Variants in PACS1 observed in about 807,000 individuals in gnomAD.
The protein encoded by PACS1 is PACS-1.
PACS1 carries 24 observed loss-of-function variants against 115.0 expected under a neutral mutation model. The observed-to-expected ratio is 0.21, with a 90% CI of 0.15 to 0.29. The LOEUF is 0.29. PACS1 is among the 10% of genes least tolerant of loss of function. The probability of loss-of-function intolerance (pLI) is 1.00; values close to 1 mark genes in which losing one functional copy is unlikely to be tolerated. For missense variants in PACS1, 838 were observed against 1,251.2 expected, an observed-to-expected ratio of 0.67 and a Z score of 4.98; for synonymous variants, 453 against 504.5, an observed-to-expected ratio of 0.90 and a Z score of 1.37.
At chr11:66,082,627 C>T (rs1476396542) in intron 1 of PACS1, among the ~76,000 whole-genome samples, 1 of 152,054 alleles carries the variant, frequency 6.6e-6, no homozygotes, top group Non-Finnish European at 1.5e-5. Context: ...TTTGGGAGGC[C>T]GAGGTGGGTG....
intron 1 of PACS1, among the ~76,000 whole-genome samples, chr11:66,073,736 T>G (rs1057319665): frequency 2.6e-5 from 4 of 152,008 alleles, no homozygotes; most frequent in African/African-American, 9.7e-5. Flanking sequence ...GTTCTGTTGA[T>G]CACATTTTTC....
intron 3 of PACS1, 106 bp from the exon 4 acceptor site, chr11:66,211,028 T>C: frequency 7.4e-7 from 1 of 1,345,346 alleles, no homozygotes; most frequent in Admixed American, 1.8e-5. Context: ...CTGCCCCCTT[T>C]TAGAGACAGG....
At chr11:66,165,759 TAA>T (rs1859586723) in intron 1 of PACS1, among the ~76,000 whole-genome samples, 1 of 152,126 alleles carries the variant, frequency 6.6e-6, no homozygotes, top group Admixed American at 6.5e-5. Context: ...ATATATGTAT[TAA>T]GAGACAGTGA....
At chr11:66,157,253 A>T (rs369802757) in intron 1 of PACS1, among the ~76,000 whole-genome samples, 74 of 152,344 alleles carry the variant, frequency 4.9e-4, no homozygotes, top group African/African-American at 1.6e-3. Flanking sequence ...ATCTATAAGG[A>T]TGAAGAGATT....
At chr11:66,091,316 T>G (rs1227742462) in intron 1 of PACS1, among the ~76,000 whole-genome samples, 1 of 151,998 alleles carries the variant, frequency 6.6e-6, no homozygotes, top group Admixed American at 6.6e-5. Context: ...AATTTTTGTA[T>G]TTTTAGTGGA....
intron 11 of PACS1, among the ~76,000 whole-genome samples, chr11:66,229,366 G>T (rs902570109): frequency 6.6e-6 from 1 of 152,054 alleles, no homozygotes; most frequent in African/African-American, 2.4e-5. Context: ...TCCAGGCTGT[G>T]CAAGAGAGCA....
chr11:66,086,417 C>T lies in PACS1; in HGVS notation c.356+15575C>T, dbSNP rs368245732. On this transcript the variant is annotated intron_variant, in intron 1 of 23. Transcript: ENST00000320580. ...CCTCCCAAAGTGCTGGGATTACAGG[C>T]GTGAGCCACCGCGCCCGGCCTGTAA... Among the ~76,000 whole-genome samples the T allele has an allele frequency of 2.4e-3, 358 of 152,194 alleles. 2 individuals carry two copies. Among genetic ancestry groups the T allele is most frequent in the South Asian group, 5.0e-3 (24 of 4,818 alleles).
chr11:66,216,430 C>T, intron 5 of PACS1, 90 bp from the exon 6 acceptor site: 4 of 1,440,378 alleles, frequency 2.8e-6, no homozygotes, highest in South Asian at 2.3e-5. Flanking sequence ...TGTGTTTCCA[C>T]CCAAAGAGAA....
intron 1 of PACS1, among the ~76,000 whole-genome samples, chr11:66,096,360 C>T (rs1458208094): frequency 6.6e-6 from 1 of 151,862 alleles, no homozygotes; most frequent in East Asian, 1.9e-4. Flanking sequence ...GAGGTGTGAG[C>T]CACTGCGCCC....
intron 4 of PACS1, among the ~76,000 whole-genome samples, 199 bp from the exon 5 acceptor site, chr11:66,215,915 AATAAT>A (rs1565150565): frequency 3.1e-4 from 44 of 143,886 alleles, no homozygotes; most frequent in East Asian, 1.4e-3. Context: ...TAATAATAAT[AATAAT>A]AATAATAATA....
chr11:66,099,011 C>T (rs886075139), intron 1 of PACS1, among the ~76,000 whole-genome samples: 2 of 151,934 alleles, frequency 1.3e-5, no homozygotes, highest in African/African-American at 4.8e-5. Context: ...ACTGTAATGC[C>T]ATTGTTTTTC....
intron 1 of PACS1, among the ~76,000 whole-genome samples, chr11:66,191,656 T>C (rs1363687377): frequency 2.0e-5 from 3 of 152,218 alleles, no homozygotes; most frequent in African/African-American, 7.2e-5. Flanking sequence ...TACATTTTAT[T>C]TGATTTTGAT....
In PACS1 at chr11:66,070,903, C is replaced by G. The variant is rs1247234392; in HGVS notation, c.356+61C>G. ...GCGGGGTGGCCGCCGGGGCCCAGCC[C>G]TCCCCGCCCCAGCGCCCATGGGGTC... On this transcript the variant is annotated intron_variant, in intron 1 of 23. Coordinates refer to ENST00000320580, the MANE Select transcript of PACS1 (RefSeq NM_018026.4). The surrounding 1 kb of genome is among the most constrained non-coding windows in gnomAD (Gnocchi z 5.9). The G allele has an allele frequency of 4.1e-5, 56 of 1,363,960 alleles. No homozygotes were observed. The highest frequency in any genetic ancestry group is 5.2e-5 in the Non-Finnish European group (55 of 1,064,846). The allele number at this position is 1,363,960 out of a possible 1,614,324, so 84.5% of individuals were successfully genotyped here.
Position 66,235,901 on chromosome 11 carries a change from T to C in PACS1, c.2211T>C (p.Pro737=). 6 of 1,613,742 alleles carry C rather than the reference T, an allele frequency of 3.7e-6. No homozygotes were observed. Among genetic ancestry groups the C allele is most frequent in the Non-Finnish European group, 5.1e-6 (6 of 1,179,634 alleles). Residue 737 remains proline (P), a synonymous_variant, in exon 19 of 24, where the codon CCT becomes CCC. Coordinates refer to ENST00000320580, the MANE Select transcript of PACS1 (RefSeq NM_018026.4). This position sits in a 1 kb window ranked among gnomAD's most constrained non-coding sequence, Gnocchi z 5.6. ...GCTCTCCTGTGTCTCCCAACAGCCCTGATGAAGACTCCTATCAGAAGTTTA... is the reference window on the plus strand; with the variant it reads ...GCTCTCCTGTGTCTCCCAACAGCCCCGATGAAGACTCCTATCAGAAGTTTA... ...EAMLTCRHKF[P]DEDSYQKFIP...
At chr11:66,129,531 C>T (rs1378921932) in intron 1 of PACS1, among the ~76,000 whole-genome samples, 2 of 150,916 alleles carry the variant, frequency 1.3e-5, no homozygotes, top group Admixed American at 6.6e-5. Flanking sequence ...AGGCTGGTCT[C>T]GAACTCCTGG....
rs546056606 is a variant in PACS1 at position 66,227,725 on chromosome 11, C to G, written c.1374+141C>G. ...TATGAATGTCCTGCACTCTCTTTCTCCTGAAATCCTTACCCGTGGAATGCA... is the reference window on the plus strand; with the variant it reads ...TATGAATGTCCTGCACTCTCTTTCTGCTGAAATCCTTACCCGTGGAATGCA... On this transcript the variant is annotated intron_variant, in intron 11 of 23. Coordinates refer to ENST00000320580, the MANE Select transcript of PACS1 (RefSeq NM_018026.4). The G allele has an allele frequency of 5.0e-5, 28 of 563,236 alleles. No homozygotes were observed. In the Admixed American group the frequency reaches 5.7e-4, roughly 11 times the overall value. The allele number at this position is 563,236 out of a possible 1,614,324, so 34.9% of individuals were successfully genotyped here. A position where few individuals can be genotyped will look rare whatever the true frequency, so the allele number is the denominator to read the frequency against.
intron 1 of PACS1, among the ~76,000 whole-genome samples, chr11:66,088,688 G>A (rs948050284): frequency 3.3e-5 from 5 of 152,078 alleles, no homozygotes; most frequent in Admixed American, 6.5e-5. Context: ...GTGTCTTCCC[G>A]CTTTGTGCTT....
chr11:66,074,655 G>A (rs915369403), intron 1 of PACS1, among the ~76,000 whole-genome samples: 1 of 152,178 alleles, frequency 6.6e-6, no homozygotes, highest in African/African-American at 2.4e-5. Flanking sequence ...TAGGGTAGGA[G>A]TTGGCAGTTA....
At chr11:66,224,765 A>G (rs1855438658) in intron 10 of PACS1, among the ~76,000 whole-genome samples, 1 of 152,208 alleles carries the variant, frequency 6.6e-6, no homozygotes, top group Admixed American at 6.5e-5. Flanking sequence ...GCGCTCTTAA[A>G]TGGAGAACTT....
Sources: gnomAD v4.1 joint callset for allele counts (sites outside exome capture counted in the v4.1 genomes callset) on GRCh38, gnomAD v4.1.1 for gene constraint, Gnocchi (gnomAD v3.1) non-coding constraint, MANE v1.5 for transcripts, NCBI Gene and HGNC (gene_info 2026-07-23, HGNC 2026-07-21) for gene names.